BCAS3: variants seen among roughly 807,000 people sequenced by gnomAD.
BCAS3 encodes BCAS3 microtubule associated cell migration factor.
A neutral mutation model predicts 116.1 loss-of-function variants in BCAS3; 53 were observed. The observed-to-expected ratio is 0.46, with a 90% CI of 0.37 to 0.57. The LOEUF is 0.57. Among genes scored for constraint, BCAS3 ranks in the 20% least tolerant of loss-of-function variants. The pLI is 0.00. For missense variants in BCAS3, 917 were observed against 1,165.4 expected (o/e 0.79, Z 3.10); for synonymous variants, 391 against 408.2 (o/e 0.96, Z 0.51).
chr17:60,773,709 G>A (rs1261341767), intron 6 of BCAS3, among the ~76,000 whole-genome samples: 1 of 151,998 alleles, frequency 6.6e-6, no homozygotes, highest in Admixed American at 6.6e-5. Context: ...AAGCAGTGGC[G>A]TGATCATGGC....
intron 11 of BCAS3, among the ~76,000 whole-genome samples, chr17:60,903,385 G>A (rs574075467): frequency 6.9e-4 from 105 of 152,296 alleles, no homozygotes; most frequent in Non-Finnish European, 1.2e-3. Context: ...TACATGATGC[G>A]CTTCAGAATG....
chr17:60,702,309 A>C (rs948387860), intron 4 of BCAS3, among the ~76,000 whole-genome samples: 2 of 152,186 alleles, frequency 1.3e-5, no homozygotes, highest in African/African-American at 4.8e-5. Context: ...TTATCTTTCT[A>C]GTAAATTGCT....
chr17:61,033,099 G>A (rs1323910113), intron 16 of BCAS3, among the ~76,000 whole-genome samples: 2 of 152,166 alleles, frequency 1.3e-5, no homozygotes, highest in African/African-American at 4.8e-5. Flanking sequence ...ATTTTTTGAA[G>A]ATTAGGTTGG....
chr17:60,753,549 A>G (rs1332868358), intron 6 of BCAS3, among the ~76,000 whole-genome samples: 2 of 151,824 alleles, frequency 1.3e-5, no homozygotes, highest in Non-Finnish European at 2.9e-5. Context: ...AGCTGGGACT[A>G]CAGGCGCCTG....
intron 4 of BCAS3, among the ~76,000 whole-genome samples, chr17:60,706,448 A>G (rs2037150635): frequency 6.6e-6 from 1 of 150,670 alleles, no homozygotes; most frequent in Admixed American, 6.6e-5. Context: ...TATAAAACAT[A>G]TACAAAATAT....
intron 22 of BCAS3, among the ~76,000 whole-genome samples, chr17:61,311,621 G>A (rs2054312804): frequency 1.3e-5 from 2 of 152,130 alleles, no homozygotes; most frequent in Non-Finnish European, 2.9e-5. Context: ...GAGGCCAGGC[G>A]CGGTGGCTCA....
chr17:61,157,600 T>TC (rs1555749655), intron 22 of BCAS3: 10 of 73,690 alleles, frequency 1.4e-4, no homozygotes, highest in South Asian at 7.9e-4. Flanking sequence ...CTCTCTCTCT[T>TC]CCCCCCCACC....
intron 5 of BCAS3, among the ~76,000 whole-genome samples, chr17:60,724,215 G>C (rs1286829696): frequency 1.3e-5 from 2 of 151,452 alleles, no homozygotes; most frequent in Non-Finnish European, 2.9e-5. Flanking sequence ...CTTGAGGTCA[G>C]GAGTTCAAGA....
chr17:61,275,004 C>T (rs901020535), intron 22 of BCAS3, among the ~76,000 whole-genome samples: 2 of 152,112 alleles, frequency 1.3e-5, no homozygotes. Context: ...ATGAACGCCA[C>T]CATACTTCAC....
At chr17:61,201,858 AAG>A (rs2080843696) in intron 22 of BCAS3, among the ~76,000 whole-genome samples, 1 of 150,504 alleles carries the variant, frequency 6.6e-6, no homozygotes, top group African/African-American at 2.5e-5. Flanking sequence ...TCCCGGGTTC[AAG>A]TGATTCTCCT....
Position 61,320,042 on chromosome 17 carries a change from G to A in BCAS3, c.2426-48285G>A, listed in dbSNP as rs1051325402. 7.3e-5 allele frequency among the ~76,000 whole-genome samples: 11 copies of A among 151,146 alleles called. No individual in the cohort carries two copies. In the East Asian group the frequency reaches 7.8e-4, roughly 11 times the overall value. On this transcript the variant is annotated intron_variant, in intron 22 of 23. Coordinates refer to ENST00000407086, the MANE Select transcript of BCAS3 (RefSeq NM_017679.5). Reference sequence around the variant, plus strand: ...GCAGCTGGGATTACAGGCTCGTGCCGCCACACCCAGCTAATTTTTCTATTT... The same window carrying A: ...GCAGCTGGGATTACAGGCTCGTGCCACCACACCCAGCTAATTTTTCTATTT...
chr17:61,018,853 T>C (rs960434779), intron 16 of BCAS3, among the ~76,000 whole-genome samples: 3 of 152,184 alleles, frequency 2.0e-5, no homozygotes, highest in Non-Finnish European at 2.9e-5. Flanking sequence ...CATTAGTTTT[T>C]CTTAATTCCA....
chr17:61,128,089 C>T lies in BCAS3; in HGVS notation c.2425+43525C>T, dbSNP rs773043782. The T allele has an allele frequency of 7.5e-6, 5 of 663,602 alleles. No individual in the cohort carries two copies. Among genetic ancestry groups the T allele is most frequent in the Non-Finnish European group, 9.3e-6 (5 of 536,730 alleles). 41.1% of individuals were successfully genotyped at this position (663,602 alleles called of 1,614,324 possible). A position where few individuals can be genotyped will look rare whatever the true frequency, so the allele number is the denominator to read the frequency against. On this transcript the variant is annotated intron_variant, in intron 22 of 23. Transcript: ENST00000407086. This position sits in a 1 kb window ranked among gnomAD's most constrained non-coding sequence, Gnocchi z 4.1. ...ATTAAGGAGTTTGAATGTAATTACC[C>T]AAAGTTTGGCTTTTCTTTTAAAGAA...
chr17:61,327,510 AT>A lies in BCAS3; in HGVS notation c.2426-40804del, dbSNP rs1261746968. ...GGGAGCAAATAGAAAATGAAGCAAA[AT>A]TTTTTTTTTTTTAGACAGAGTCTCA... is the stretch of plus-strand genomic sequence containing the variant. On this transcript the variant is annotated intron_variant, in intron 22 of 23. Coordinates refer to ENST00000407086, the MANE Select transcript of BCAS3 (RefSeq NM_017679.5). The surrounding 1 kb of genome is among the most constrained non-coding windows in gnomAD (Gnocchi z 5.9). Among the ~76,000 whole-genome samples the A allele has an allele frequency of 8.4e-4, 122 of 145,300 alleles. No homozygotes were observed. Among genetic ancestry groups the A allele is most frequent in the South Asian group, 1.1e-3 (5 of 4,526 alleles).
At chr17:61,274,650 C>G (rs1422339199) in intron 22 of BCAS3, among the ~76,000 whole-genome samples, 2 of 152,060 alleles carry the variant, frequency 1.3e-5, no homozygotes, top group African/African-American at 4.8e-5. Context: ...CAACACCAGA[C>G]ATAATGAAGA....
intron 7 of BCAS3, among the ~76,000 whole-genome samples, chr17:60,824,608 A>C (rs185423561): frequency 3.9e-5 from 6 of 152,278 alleles, no homozygotes; most frequent in African/African-American, 1.4e-4. Flanking sequence ...GTGTTCTGTC[A>C]CCAATAGATC....
At chr17:61,001,736 C>T (rs2064254576) in intron 15 of BCAS3, among the ~76,000 whole-genome samples, 1 of 152,042 alleles carries the variant, frequency 6.6e-6, no homozygotes, top group African/African-American at 2.4e-5. Context: ...AGCTCAAATG[C>T]AGTTTTGTTT....
rs372609748 is a variant in BCAS3, at chr17:61,316,610, TG to T, written c.2426-51715del. On this transcript the variant is annotated intron_variant, in intron 22 of 23. Coordinates refer to ENST00000407086, the MANE Select transcript of BCAS3 (RefSeq NM_017679.5). The surrounding 1 kb of genome is among the most constrained non-coding windows in gnomAD (Gnocchi z 5.8). ...AGGCAGACTCAGAGGGGCCTGCAGC[TG>T]GTATCTGATAAAATAAAGGAAAGGT... Among the ~76,000 whole-genome samples, 142 of 151,944 alleles carry T rather than the reference TG, an allele frequency of 9.3e-4. No homozygotes were observed. The Middle Eastern group carries it at 0.021, about 22-fold the overall frequency.
Position 61,381,765 on chromosome 17 carries a change from C to T in BCAS3, c.2594-10212C>T, listed in dbSNP as rs551948496. 1.5e-3 allele frequency among the ~76,000 whole-genome samples: 225 copies of T among 152,278 alleles called. 1 individual carries two copies. Among genetic ancestry groups the T allele is most frequent in the African/African-American group, 5.2e-3 (218 of 41,560 alleles). The stretch of plus-strand genomic sequence containing the variant: ...CCAGCATTCTTCAGCACGCAGATGC[C>T]ATGTGTGCCTGTATGTGGTTCTGGT... On this transcript the variant is annotated intron_variant, in intron 23 of 23. Transcript: ENST00000407086. The surrounding 1 kb of genome is among the most constrained non-coding windows in gnomAD (Gnocchi z 6.0).
Sources: allele counts gnomAD v4.1 joint callset (sites outside exome capture counted in the v4.1 genomes callset), GRCh38; gene constraint gnomAD v4.1.1; non-coding constraint Gnocchi (gnomAD v3.1); transcripts MANE v1.5; gene names NCBI Gene and HGNC (gene_info 2026-07-23, HGNC 2026-07-21).